Variants in SLC29A4 observed in about 807,000 individuals in gnomAD.
SLC29A4 encodes the protein solute carrier family 29 member 4, also known as equilibrative nucleoside transporter 4.
SLC29A4 carries 36 observed loss-of-function variants against 43.9 expected under a neutral mutation model. The ratio of observed to expected loss-of-function variants is 0.82; its 90% confidence interval spans 0.63 to 1.08. SLC29A4 has a LOEUF of 1.08. SLC29A4 is among the 50% of genes least tolerant of loss of function. SLC29A4 has a pLI of 0.00. For synonymous variants in SLC29A4, 491 were observed against 338.0 expected (o/e 1.45, Z -4.97); for missense variants, 869 against 755.3 (o/e 1.15, Z -1.77).
rs1387861750 is a variant in SLC29A4, at chr7:5,305,814, C to A, written c.*2875C>A. The A allele has an allele frequency of 6.6e-6, 1 of 152,108 alleles. No individual in the cohort carries two copies. The highest frequency in any genetic ancestry group is 1.5e-5 in the Non-Finnish European group (1 of 68,036). The allele number at this position is 152,108 out of a possible 1,614,324, so 9.4% of individuals were successfully genotyped here. A position where few individuals can be genotyped will look rare whatever the true frequency, so the allele number is the denominator to read the frequency against. On this transcript the variant is annotated 3_prime_UTR_variant, in exon 11 of 11. Transcript: ENST00000396872. Reference sequence around the variant, plus strand: ...TCAGGTGATCCACCTGCCTCAGCCTCCCAAAGTGCTGGGATTACAGGCATG... The same window carrying A: ...TCAGGTGATCCACCTGCCTCAGCCTACCAAAGTGCTGGGATTACAGGCATG...
intron 1 of SLC29A4, among the ~76,000 whole-genome samples, chr7:5,283,419 C>T (rs1032915088): frequency 9.2e-4 from 140 of 152,028 alleles, no homozygotes; most frequent in African/African-American, 3.1e-3. Flanking sequence ...CCCCCGCCGG[C>T]CCCTTCCTCG....
At chr7:5,284,032 A>ACCCCCCCCCCCCCCCCCCCCCCCCC (rs79051188) in intron 1 of SLC29A4, among the ~76,000 whole-genome samples, 1 of 72,250 alleles carries the variant, frequency 1.4e-5, no homozygotes, top group Non-Finnish European at 2.9e-5. Context: ...GAGCTGCACG[A>ACCCCCCCCCCCCCCCCCCCCCCCCC]CCCCCCCCCC....
At chr7:5,283,701 G>A (rs2128085261) in intron 1 of SLC29A4, among the ~76,000 whole-genome samples, 1 of 152,300 alleles carries the variant, frequency 6.6e-6, no homozygotes, top group Non-Finnish European at 1.5e-5. Context: ...CACAGGAGTT[G>A]GAGCAGCTTA....
In SLC29A4 at chr7:5,303,221, C is replaced by G; in HGVS notation, c.*282C>G. The G allele has an allele frequency of 1.9e-6, 1 of 519,022 alleles. No homozygotes were observed. Among genetic ancestry groups the G allele is most frequent in the Middle Eastern group, 5.2e-4 (1 of 1,906 alleles). The allele number at this position is 519,022 out of a possible 1,614,324, so 32.2% of individuals were successfully genotyped here. A position where few individuals can be genotyped will look rare whatever the true frequency, so the allele number is the denominator to read the frequency against. On this transcript the variant is annotated 3_prime_UTR_variant, in exon 11 of 11. Transcript: ENST00000396872. ...TACCTTCCATCTGTGTCCAGCGGCC[C>G]CGGCTCCAGCCCAGCCAGCACTCTG...
chr7:5,301,625 A>G (rs1399291937), intron 10 of SLC29A4, among the ~76,000 whole-genome samples: 1 of 152,212 alleles, frequency 6.6e-6, no homozygotes, highest in African/African-American at 2.4e-5. Context: ...GTGAGGAGCT[A>G]CTTCACCAGT....
At chr7:5,294,022 T>G (rs1785479881) in intron 5 of SLC29A4, among the ~76,000 whole-genome samples, 1 of 151,618 alleles carries the variant, frequency 6.6e-6, no homozygotes, top group Non-Finnish European at 1.5e-5. Flanking sequence ...AGGAGAATCA[T>G]GTGAACCCAG....
chr7:5,299,588 T>C (rs925021501), intron 9 of SLC29A4, among the ~76,000 whole-genome samples, 161 bp downstream of exon 9: 5 of 152,260 alleles, frequency 3.3e-5, no homozygotes, highest in Admixed American at 2.6e-4. Context: ...CAGTGTCCTC[T>C]GGAGGGCGGC....
Position 5,306,786 on chromosome 7 carries a change from A to C in SLC29A4, c.*3847A>C, listed in dbSNP as rs1236585390. On this transcript the variant is annotated 3_prime_UTR_variant, in exon 11 of 11. Coordinates refer to ENST00000396872, the MANE Select transcript of SLC29A4 (RefSeq NM_153247.4). ...CAGCCCCTGAAATAAACCACTCCAG[A>C]CAATTTTATTTTTCCAATTAAATCT... is the stretch of plus-strand genomic sequence containing the variant. 2.0e-5 allele frequency: 3 copies of C among 152,020 alleles called. No individual in the cohort carries two copies. The highest frequency in any genetic ancestry group is 7.2e-5 in the African/African-American group (3 of 41,418). 9.4% of individuals were successfully genotyped at this position (152,020 alleles called of 1,614,324 possible).
Position 5,303,184 on chromosome 7 carries a change from C to T in SLC29A4, c.*245C>T. ...CAGCACTGTGTTCTGCGTTTGGTCTCATACCTGCGTCTACCTTCCATCTGT... is the reference window on the plus strand; with the variant it reads ...CAGCACTGTGTTCTGCGTTTGGTCTTATACCTGCGTCTACCTTCCATCTGT... On this transcript the variant is annotated 3_prime_UTR_variant, in exon 11 of 11. Transcript: ENST00000396872. The T allele has an allele frequency of 1.7e-6, 1 of 580,020 alleles. No homozygotes were observed. 35.9% of individuals were successfully genotyped at this position (580,020 alleles called of 1,614,324 possible).
Position 5,299,071 on chromosome 7 carries a change from C to T in SLC29A4, c.966C>T (p.Tyr322=), listed in dbSNP as rs1785939245. The T allele has an allele frequency of 1.2e-6, 2 of 1,611,198 alleles. No homozygotes were observed. Among genetic ancestry groups the T allele is most frequent in the Non-Finnish European group, 1.7e-6 (2 of 1,179,614 alleles). The change falls in exon 8 of 11, where the codon TAC becomes TAT. Residue 322 remains tyrosine (Y), a synonymous_variant. Coordinates refer to ENST00000396872, the MANE Select transcript of SLC29A4 (RefSeq NM_153247.4). Reference sequence around the variant, plus strand: ...AGGTGACCGGCAGCGGCGGGGCCTACATGCGCTTTGATGTGCCGCGGCCAA... The same window carrying T: ...AGGTGACCGGCAGCGGCGGGGCCTATATGCGCTTTGATGTGCCGCGGCCAA... ...AHEVTGSGGA[Y]MRFDVPRPRV...
chr7:5,299,571 T>G, intron 9 of SLC29A4, 144 bp downstream of exon 9: 1 of 934,800 alleles, frequency 1.1e-6, no homozygotes. Flanking sequence ...AGTGGCGCCA[T>G]CCTGGACAGT....
chr7:5,299,495 C>T, intron 9 of SLC29A4, 68 bp downstream of exon 9: 3 of 1,519,360 alleles, frequency 2.0e-6, no homozygotes, highest in Non-Finnish European at 2.7e-6. Flanking sequence ...AGGCCCTGGC[C>T]TATCCGGGAA....
rs1785544344 is a variant in SLC29A4 at position 5,294,883 on chromosome 7, T to A, written c.568T>A (p.Tyr190Asn). The A allele has an allele frequency of 2.5e-6, 4 of 1,612,184 alleles. No homozygotes were observed. The highest frequency in any genetic ancestry group is 3.4e-6 in the Non-Finnish European group (4 of 1,179,620). The change falls in exon 6 of 11, where the codon TAC (tyrosine) becomes AAC (asparagine). Residue 190 changes from tyrosine to asparagine, a missense_variant. By Grantham distance (143) the Tyr-to-Asn change is moderately radical (BLOSUM62 -2). Transcript: ENST00000396872. ...AGTGCAGCAATCCAGCTTCTACGGG[T>A]ACACGGGGATGCTGCCCAAGCGGTA... ...CTVQQSSFYG[Y>N]TGMLPKRYTQ...
intron 3 of SLC29A4, 75 bp downstream of exon 3, chr7:5,290,938 C>CG: frequency 6.4e-7 from 1 of 1,556,070 alleles, no homozygotes. Context: ...AAACCCCCGG[C>CG]GGGGAGGGTC....
chr7:5,293,300 T>C (rs970143141), intron 5 of SLC29A4, among the ~76,000 whole-genome samples: 2 of 151,210 alleles, frequency 1.3e-5, no homozygotes, highest in African/African-American at 4.9e-5. Flanking sequence ...GCCTCCCGAG[T>C]AGCTGGGACT....
Position 5,295,254 on chromosome 7 carries a change from G to A in SLC29A4, c.619+320G>A, listed in dbSNP as rs550860840. On this transcript the variant is annotated intron_variant, in intron 6 of 10. Transcript: ENST00000396872. ...GTGTTTGGTAAGTCTGCGTGTGCGC[G>A]TGTGTTAGGAGGTGGGCCCCGTCCA... 1.1e-3 allele frequency among the ~76,000 whole-genome samples: 170 copies of A among 152,198 alleles called. 3 individuals carry two copies. In the South Asian group the frequency reaches 0.015, roughly 14 times the overall value.
intron 5 of SLC29A4, among the ~76,000 whole-genome samples, chr7:5,294,106 G>GAA (rs57652254): frequency 4.5e-4 from 65 of 145,624 alleles, no homozygotes; most frequent in Middle Eastern, 6.9e-3. Context: ...GCTCTATCTG[G>GAA]AAAAAAAAAA....
chr7:5,287,979 G>C lies in SLC29A4; in HGVS notation c.163G>C (p.Asp55His). The C allele has an allele frequency of 6.2e-7, 1 of 1,608,516 alleles. No homozygotes were observed. The highest frequency in any genetic ancestry group is 8.5e-7 in the Non-Finnish European group (1 of 1,178,674). The change falls in exon 2 of 11, where the codon GAT (aspartate) becomes CAT (histidine). Residue 55 changes from aspartate to histidine, a missense_variant. Transcript: ENST00000396872. ...LRARGVPAFTDTTLDEPVPDD... is the reference protein window; with the variant it reads ...LRARGVPAFTHTTLDEPVPDD... The stretch of plus-strand genomic sequence containing the variant: ...GGCCAGGGGCGTCCCAGCTTTCACG[G>C]ATACTAGTAAGTAGGCGTGCGGGCA...
intron 9 of SLC29A4, 43 bp downstream of exon 9, chr7:5,299,470 T>C: frequency 6.3e-7 from 1 of 1,583,068 alleles, no homozygotes; most frequent in Non-Finnish European, 8.6e-7. Context: ...CGCCATGGGG[T>C]GGGGGTGACA....
Sources: gnomAD v4.1 joint callset for allele counts (sites outside exome capture counted in the v4.1 genomes callset) on GRCh38, gnomAD v4.1.1 for gene constraint, MANE v1.5 for transcripts, NCBI Gene and HGNC (gene_info 2026-07-23, HGNC 2026-07-21) for gene names.